The following CACNA2D3 variants were observed in gnomAD, a reference collection of about 807,000 sequenced individuals.
The protein encoded by CACNA2D3 is voltage-dependent calcium channel subunit alpha-2/delta-3.
A neutral mutation model predicts 160.6 loss-of-function variants in CACNA2D3; 60 were observed. The ratio of observed to expected loss-of-function variants is 0.37; its 90% CI spans 0.30 to 0.46. CACNA2D3 has a LOEUF of 0.46. CACNA2D3 is among the 20% of genes least tolerant of loss of function. The probability of loss-of-function intolerance (pLI) is 1.00; values close to 1 mark genes in which losing one functional copy is unlikely to be tolerated. For missense variants in CACNA2D3, 1,205 were observed against 1,365.0 expected (o/e 0.88, Z 1.85); for synonymous variants, 558 against 492.9 (o/e 1.13, Z -1.75).
chr3:54,898,102 CT>C (rs1399930429), intron 26 of CACNA2D3, among the ~76,000 whole-genome samples: 2 of 149,748 alleles, frequency 1.3e-5, no homozygotes, highest in African/African-American at 4.8e-5. Context: ...TCCTTCCTTC[CT>C]TTCTTTCTTT....
At chr3:54,927,124 T>C (rs941914523) in intron 27 of CACNA2D3, among the ~76,000 whole-genome samples, 4 of 152,082 alleles carry the variant, frequency 2.6e-5, no homozygotes, top group Non-Finnish European at 4.4e-5. Context: ...GTTTGATTGA[T>C]TGTTTGCTTG....
chr3:54,908,806 A>G (rs914406316), intron 27 of CACNA2D3, among the ~76,000 whole-genome samples: 4 of 152,226 alleles, frequency 2.6e-5, no homozygotes, highest in Admixed American at 2.0e-4. Flanking sequence ...CCATGCCCAT[A>G]TTGTCTGTGA....
In CACNA2D3 at chr3:55,074,320, A is replaced by G. The variant is rs1248974088; in HGVS notation, c.*114A>G. The G allele has an allele frequency of 3.7e-6, 3 of 811,854 alleles. No individual in the cohort carries two copies. The highest frequency in any genetic ancestry group is 2.9e-5 in the South Asian group (2 of 68,808). The allele number at this position is 811,854 out of a possible 1,614,324, so 50.3% of individuals were successfully genotyped here. On this transcript the variant is annotated 3_prime_UTR_variant, in exon 38 of 38. Coordinates refer to ENST00000474759, the MANE Select transcript of CACNA2D3 (RefSeq NM_018398.3). ...TACGAGACATGAATATAGTCCAACC[A>G]TCAGCATCTCATCATGATTTTAAAC...
At chr3:54,379,007 T>C (rs150048679) in intron 3 of CACNA2D3, among the ~76,000 whole-genome samples, 104 of 152,352 alleles carry the variant, frequency 6.8e-4, no homozygotes, top group African/African-American at 2.2e-3. Flanking sequence ...ATTGTGATCA[T>C]GTCTTCTGAT....
At chr3:54,823,736 TGTGTG>T (rs1202325118) in intron 14 of CACNA2D3, among the ~76,000 whole-genome samples, 1 of 152,108 alleles carries the variant, frequency 6.6e-6, no homozygotes, top group African/African-American at 2.4e-5. Flanking sequence ...ATGCTCCTGT[TGTGTG>T]TGTGTGCGTG....
chr3:54,968,351 A>G, intron 27 of CACNA2D3, 99 bp from the exon 28 acceptor site: 9 of 759,092 alleles, frequency 1.2e-5, no homozygotes, highest in Non-Finnish European at 2.1e-5. Context: ...TTATATGCTT[A>G]TATCAGCTTC....
chr3:54,235,380 G>C (rs528995453), intron 2 of CACNA2D3, among the ~76,000 whole-genome samples: 6 of 152,246 alleles, frequency 3.9e-5, no homozygotes, highest in African/African-American at 1.4e-4. Context: ...GGGAGGCCTC[G>C]GGAAACTTAC....
At chr3:54,872,905 C>G (rs1332213743) in intron 18 of CACNA2D3, among the ~76,000 whole-genome samples, 1 of 152,100 alleles carries the variant, frequency 6.6e-6, no homozygotes, top group Non-Finnish European at 1.5e-5. Flanking sequence ...AACACTGTCA[C>G]AAGGATCCGG....
At chr3:54,824,459 T>G (rs972310425) in intron 14 of CACNA2D3, among the ~76,000 whole-genome samples, 8 of 152,194 alleles carry the variant, frequency 5.3e-5, no homozygotes, top group African/African-American at 1.7e-4. Flanking sequence ...CCCAACTTGC[T>G]ATTTGGAGAG....
intron 2 of CACNA2D3, among the ~76,000 whole-genome samples, chr3:54,314,862 C>G (rs1307829721): frequency 6.6e-6 from 1 of 152,220 alleles, no homozygotes; most frequent in East Asian, 1.9e-4. Context: ...GCCAGCCTGG[C>G]TCAAACCTTT....
intron 2 of CACNA2D3, among the ~76,000 whole-genome samples, chr3:54,143,397 C>A (rs1699971227): frequency 6.6e-6 from 1 of 152,178 alleles, no homozygotes; most frequent in East Asian, 1.9e-4. Flanking sequence ...AAAACATTGC[C>A]TGTTCACTAT....
intron 4 of CACNA2D3, among the ~76,000 whole-genome samples, chr3:54,407,363 C>T (rs1699595396): frequency 1.3e-5 from 2 of 152,080 alleles, no homozygotes; most frequent in Non-Finnish European, 2.9e-5. Context: ...AATAACCACC[C>T]CCACAGTCAT....
At chr3:54,811,240 T>C (rs1019792986) in intron 13 of CACNA2D3, among the ~76,000 whole-genome samples, 1 of 152,184 alleles carries the variant, frequency 6.6e-6, no homozygotes, top group Non-Finnish European at 1.5e-5. Flanking sequence ...TTTCCTCAAC[T>C]GTGCTTCTCC....
chr3:54,811,007 C>T (rs115953942), intron 13 of CACNA2D3, among the ~76,000 whole-genome samples: 1 of 152,190 alleles, frequency 6.6e-6, no homozygotes, highest in Non-Finnish European at 1.5e-5. Flanking sequence ...CACATGGGCT[C>T]TCCCTGGTGG....
Position 54,887,996 on chromosome 3 carries a change from G to T in CACNA2D3, c.2094G>T (p.Ala698=). 1 of 1,613,866 alleles carries T rather than the reference G, an allele frequency of 6.2e-7. No homozygotes were observed. The highest frequency in any genetic ancestry group is 8.5e-7 in the Non-Finnish European group (1 of 1,179,832). ...TGATCCAAGAAGTCCTTTTTGACGC[G>T]GTGGTGAGTGCCCCCATTGAAGCGT... ...KELIQEVLFD[A]VVSAPIEAYW... is the part of the protein sequence containing the mutation. Residue 698 remains alanine (A), a synonymous_variant, in exon 24 of 38, where the codon GCG becomes GCT. Coordinates refer to ENST00000474759, the MANE Select transcript of CACNA2D3 (RefSeq NM_018398.3).
chr3:54,627,666 A>G (rs1699152289), intron 9 of CACNA2D3, 121 bp from the exon 10 acceptor site: 1 of 685,164 alleles, frequency 1.5e-6, no homozygotes, highest in African/African-American at 1.8e-5. Flanking sequence ...GGAAAAAGTA[A>G]ATTATGACCG....
chr3:54,523,801 T>C (rs1701683839), intron 5 of CACNA2D3, among the ~76,000 whole-genome samples: 1 of 152,124 alleles, frequency 6.6e-6, no homozygotes, highest in African/African-American at 2.4e-5. Context: ...TACAGTTGTT[T>C]ATAGTGTTCC....
intron 27 of CACNA2D3, among the ~76,000 whole-genome samples, chr3:54,945,873 A>G (rs1701599941): frequency 6.6e-6 from 1 of 152,184 alleles, no homozygotes; most frequent in South Asian, 2.1e-4. Context: ...AGCTGAGGTA[A>G]TGCCAGGCGT....
chr3:54,850,026 G>A (rs1008363349), intron 17 of CACNA2D3, among the ~76,000 whole-genome samples: 1 of 152,162 alleles, frequency 6.6e-6, no homozygotes, highest in African/African-American at 2.4e-5. Flanking sequence ...AGACATAGGG[G>A]CCTTAATCAG....
Sources: allele counts gnomAD v4.1 joint callset (sites outside exome capture counted in the v4.1 genomes callset), GRCh38; gene constraint gnomAD v4.1.1; transcripts MANE v1.5; gene names NCBI Gene and HGNC (gene_info 2026-07-23, HGNC 2026-07-21).